Variants in CNBD1 observed in about 807,000 individuals in gnomAD.
CNBD1 encodes cyclic nucleotide binding domain containing 1.
Under a neutral mutation model 54.4 loss-of-function variants are expected in CNBD1, and 71 were observed. The ratio of observed to expected loss-of-function variants is 1.30; its 90% confidence interval spans 1.08 to 1.59. The LOEUF (loss-of-function observed/expected upper bound fraction) is 1.59, where lower values mean the gene tolerates loss of function less well. Among genes scored for constraint, CNBD1 ranks in the 40% most tolerant of loss-of-function variants. The pLI is 0.00. For missense variants in CNBD1, 659 were observed against 518.0 expected (o/e 1.27, Z -2.64); for synonymous variants, 182 against 170.7 (o/e 1.07, Z -0.51).
chr8:87,134,580 GTTAA>G, intron 4 of CNBD1, among the ~76,000 whole-genome samples: 1 of 106,762 alleles, frequency 9.4e-6, no homozygotes, highest in East Asian at 2.7e-4. Context: ...ATTCACCTTT[GTTAA>G]TTAGATTACC....
chr8:87,284,610 A>G (rs1042376210), intron 6 of CNBD1, 68 bp from the exon 7 acceptor site: 20 of 1,398,024 alleles, frequency 1.4e-5, no homozygotes, highest in African/African-American at 7.2e-5. Context: ...CTACAATCCA[A>G]TCCTTCACTG....
chr8:87,194,796 G>C (rs1451230697), intron 4 of CNBD1, among the ~76,000 whole-genome samples: 1 of 151,756 alleles, frequency 6.6e-6, no homozygotes, highest in Non-Finnish European at 1.5e-5. Flanking sequence ...TTTTGTGTAT[G>C]TGTGTTTTGT....
At chr8:87,030,852 TCCCTCTCCTCCCTCTCCTC>T (rs1398723397) in intron 4 of CNBD1, among the ~76,000 whole-genome samples, 17 of 43,508 alleles carry the variant, frequency 3.9e-4, no homozygotes, top group Non-Finnish European at 7.0e-4. Context: ...TCCCCTCTCC[TCCCTCTCCTCCCTCTCCTC>T]CCCTCTCCTC....
At position 86,991,630 on chromosome 8, in the gene CNBD1, T is replaced by G. The variant is rs562336815; in HGVS notation, c.431+51876T>G. 9.2e-5 allele frequency among the ~76,000 whole-genome samples: 14 copies of G among 152,304 alleles called. No homozygotes were observed. In the South Asian group the frequency reaches 2.9e-3, roughly 32 times the overall value. On this transcript the variant is annotated intron_variant, in intron 4 of 10. Transcript: ENST00000518476. ...AGTTAGATTGTTACTTTGCAATCTT[T>G]CTAACTTCTTGATGAAGGTGTTTAG...
chr8:87,408,930 A>ATC (rs571874023), intron 2 of CNBD1, among the ~76,000 whole-genome samples: 3 of 151,514 alleles, frequency 2.0e-5, no homozygotes, highest in African/African-American at 4.8e-5. Flanking sequence ...TCATTCCCCC[A>ATC]TCTCTCTCTC....
intron 4 of CNBD1, among the ~76,000 whole-genome samples, chr8:87,116,195 C>CTTTTTTTTTTTTTTTTTTT: frequency 1.3e-5 from 1 of 74,534 alleles, no homozygotes; most frequent in South Asian, 5.3e-4. Context: ...ATTCTCATGT[C>CTTTTTTTTTTTTTTTTTTT]TTTTTTTTTT....
At chr8:86,899,431 G>A (rs1373137344) in intron 2 of CNBD1, among the ~76,000 whole-genome samples, 1 of 151,822 alleles carries the variant, frequency 6.6e-6, no homozygotes, top group Non-Finnish European at 1.5e-5. Flanking sequence ...ACATCATGTT[G>A]TACACTTAAA....
chr8:87,015,119 T>C (rs893103883), intron 4 of CNBD1, among the ~76,000 whole-genome samples: 3 of 152,184 alleles, frequency 2.0e-5, no homozygotes, highest in Non-Finnish European at 4.4e-5. Context: ...CTAAAAAACG[T>C]ACATGAATAC....
chr8:87,218,678 C>A (rs532712072), intron 5 of CNBD1, among the ~76,000 whole-genome samples: 231 of 151,700 alleles, frequency 1.5e-3, no homozygotes, highest in Admixed American at 2.8e-3. Flanking sequence ...TATTAGAAAG[C>A]CTTTAAAAAC....
At chr8:87,164,497 C>G (rs1812921036) in intron 4 of CNBD1, among the ~76,000 whole-genome samples, 1 of 151,572 alleles carries the variant, frequency 6.6e-6, no homozygotes, top group African/African-American at 2.4e-5. Context: ...CTCAGATTTT[C>G]TATTTCTCCA....
chr8:87,312,510 G>A (rs904388338), intron 8 of CNBD1, among the ~76,000 whole-genome samples: 1 of 152,000 alleles, frequency 6.6e-6, no homozygotes, highest in African/African-American at 2.4e-5. Flanking sequence ...GAAATATAGT[G>A]GGGTTTGACA....
At chr8:87,409,322 G>T (rs1807701832) in intron 2 of CNBD1, among the ~76,000 whole-genome samples, 1 of 152,080 alleles carries the variant, frequency 6.6e-6, no homozygotes, top group Non-Finnish European at 1.5e-5. Context: ...CTAGAGCAAG[G>T]TCCTAACTGT....
chr8:87,392,492 G>C (rs1210293345), intron 2 of CNBD1, among the ~76,000 whole-genome samples: 3 of 151,972 alleles, frequency 2.0e-5, no homozygotes, highest in Non-Finnish European at 4.4e-5. Flanking sequence ...ATGAAGTCCT[G>C]ATACATGAAA....
Position 87,291,703 on chromosome 8 carries a change from C to T in CNBD1, c.1042+5032C>T, listed in dbSNP as rs544213618. Among the ~76,000 whole-genome samples the T allele has an allele frequency of 5.9e-5, 9 of 152,198 alleles. No individual in the cohort carries two copies. In the South Asian group the frequency reaches 1.9e-3, roughly 32 times the overall value. On this transcript the variant is annotated intron_variant, in intron 8 of 10. Transcript: ENST00000518476. The stretch of plus-strand genomic sequence containing the variant: ...CTCATTATATTATCCAGGCTGGACT[C>T]AAACTCCTGGGCTCAAGTGATCATT...
rs147624770 is a variant in CNBD1, at chr8:87,280,291, T to A, written c.772-4387T>A. Among the ~76,000 whole-genome samples the A allele has an allele frequency of 3.0e-3, 450 of 151,724 alleles. 3 individuals are homozygous for A. Among genetic ancestry groups the A allele is most frequent in the African/African-American group, 0.01 (430 of 41,510 alleles). ...GTCTAAATCTTTGGAGAAAAATAAT[T>A]TTTTTCAATCTGGAGCAGTGCTTAT... On this transcript the variant is annotated intron_variant, in intron 6 of 10. Coordinates refer to ENST00000518476, the MANE Select transcript of CNBD1 (RefSeq NM_173538.3).
intron 4 of CNBD1, among the ~76,000 whole-genome samples, chr8:87,085,876 TC>T: frequency 6.6e-6 from 1 of 152,272 alleles, no homozygotes; most frequent in East Asian, 1.9e-4. Flanking sequence ...CTGGCCCTAA[TC>T]CAGCTAGGAT....
intron 4 of CNBD1, among the ~76,000 whole-genome samples, chr8:87,039,704 A>G (rs2949554): frequency 0.29 from 44,172 of 152,068 alleles, 7,030 homozygotes; most frequent in Middle Eastern, 0.42. Flanking sequence ...TAATTACTCA[A>G]ATTAGTCTCC....
intron 4 of CNBD1, among the ~76,000 whole-genome samples, chr8:86,963,115 C>G (rs1807975200): frequency 1.3e-5 from 2 of 152,130 alleles, no homozygotes; most frequent in South Asian, 4.1e-4. Context: ...AAAGGCATCC[C>G]TCTTAATTAT....
intron 4 of CNBD1, among the ~76,000 whole-genome samples, chr8:86,998,816 T>A (rs983537822): frequency 1.4e-4 from 21 of 152,240 alleles, no homozygotes; most frequent in African/African-American, 4.8e-4. Context: ...CTAGTTTTTA[T>A]GCCCTTCCAT....
Sources: allele counts gnomAD v4.1 joint callset (sites outside exome capture counted in the v4.1 genomes callset), GRCh38; gene constraint gnomAD v4.1.1; transcripts MANE v1.5; gene names NCBI Gene and HGNC (gene_info 2026-07-23, HGNC 2026-07-21).